PTPRQ: variants seen among roughly 807,000 people sequenced by gnomAD.
PTPRQ encodes phosphatidylinositol phosphatase PTPRQ.
PTPRQ carries 199 observed loss-of-function variants against 246.0 expected under a neutral mutation model. The ratio of observed to expected loss-of-function variants is 0.81; its 90% CI spans 0.72 to 0.91. PTPRQ has a LOEUF of 0.91. PTPRQ is among the 40% of genes least tolerant of loss of function. PTPRQ has a pLI of 0.00. For synonymous variants in PTPRQ, 869 were observed against 853.2 expected (o/e 1.02, Z -0.32); for missense variants, 2,624 against 2,528.4 (o/e 1.04, Z -0.81).
chr12:80,565,692 T>C (rs1441846994), intron 25 of PTPRQ, among the ~76,000 whole-genome samples: 2 of 152,212 alleles, frequency 1.3e-5, no homozygotes, highest in East Asian at 1.9e-4. Flanking sequence ...AATACATGAA[T>C]TTTAATAATA....
intron 3 of PTPRQ, among the ~76,000 whole-genome samples, chr12:80,447,609 C>T (rs945835326): frequency 5.9e-5 from 9 of 151,782 alleles, no homozygotes; most frequent in African/African-American, 2.2e-4. Flanking sequence ...GTTTCATTCT[C>T]TTGGATATGG....
In PTPRQ at chr12:80,445,632, C is replaced by G; in HGVS notation, c.305C>G (p.Thr102Arg). ...AAGGAAGTTTGTCCGTGGATGCAAA[C>G]AGTATATACACAAGTCAGATCAAAG... ...KYKEVCPWMQ[T>R]VYTQVRSKPD... The change falls in exon 3 of 45, where the codon ACA becomes AGA. Residue 102 changes from threonine (T) to arginine (R), a missense_variant. By Grantham distance (71) the Thr-to-Arg change is moderately conservative. Transcript: ENST00000644991. The G allele has an allele frequency of 6.5e-7, 1 of 1,550,006 alleles. No homozygotes were observed. Among genetic ancestry groups the G allele is most frequent in the Non-Finnish European group, 8.7e-7 (1 of 1,145,772 alleles).
At chr12:80,590,958 G>A (rs1897779394) in intron 26 of PTPRQ, among the ~76,000 whole-genome samples, 1 of 151,886 alleles carries the variant, frequency 6.6e-6, no homozygotes, top group Admixed American at 6.6e-5. Context: ...TTATAACGTA[G>A]ATCTTTACTT....
In PTPRQ at chr12:80,504,357, A is replaced by G. The variant is rs374894174; in HGVS notation, c.2273-1667A>G. Among the ~76,000 whole-genome samples the G allele has an allele frequency of 5.9e-5, 9 of 151,628 alleles. No homozygotes were observed. In the East Asian group the frequency reaches 9.7e-4, roughly 16 times the overall value. The stretch of plus-strand genomic sequence containing the variant: ...AGAAGGTCTATCTTGTTCTCTTTCA[A>G]ACTTGCTTGGTTATTTAATATTATT... On this transcript the variant is annotated intron_variant, in intron 14 of 44. Coordinates refer to ENST00000644991, the MANE Select transcript of PTPRQ (RefSeq NM_001145026.2).
At chr12:80,610,998 C>T (rs1898529599) in intron 28 of PTPRQ, among the ~76,000 whole-genome samples, 1 of 150,202 alleles carries the variant, frequency 6.7e-6, no homozygotes, top group Non-Finnish European at 1.5e-5. Context: ...TATTTCTGTC[C>T]CATTATTTGA....
At chr12:80,649,093 T>TTC (rs1279407066) in intron 36 of PTPRQ, among the ~76,000 whole-genome samples, 170 bp downstream of exon 36, 1 of 152,062 alleles carries the variant, frequency 6.6e-6, no homozygotes, top group Non-Finnish European at 1.5e-5. Flanking sequence ...GAGAAATGCT[T>TTC]TCTCTCTCTC....
chr12:80,535,667 A>G (rs1895965170), intron 19 of PTPRQ, among the ~76,000 whole-genome samples: 1 of 152,214 alleles, frequency 6.6e-6, no homozygotes, highest in Non-Finnish European at 1.5e-5. Context: ...AAAATAGCTA[A>G]CATGCATTTA....
At chr12:80,670,670 C>T (rs1204128885) in intron 42 of PTPRQ, among the ~76,000 whole-genome samples, 178 bp downstream of exon 42, 1 of 152,084 alleles carries the variant, frequency 6.6e-6, no homozygotes, top group Non-Finnish European at 1.5e-5. Flanking sequence ...CATGATAGAT[C>T]TAAACCAGTC....
chr12:80,480,286 T>C (rs537278960), intron 8 of PTPRQ, among the ~76,000 whole-genome samples: 2 of 152,062 alleles, frequency 1.3e-5, no homozygotes, highest in East Asian at 1.9e-4. Context: ...GGGTACATAA[T>C]GAAATGAAGG....
chr12:80,469,530 C>T (rs1326755063), intron 7 of PTPRQ, among the ~76,000 whole-genome samples: 1 of 152,056 alleles, frequency 6.6e-6, no homozygotes, highest in Non-Finnish European at 1.5e-5. Flanking sequence ...AAGTTTAATT[C>T]TAACAATGAT....
chr12:80,600,417 A>G (rs1297950800), intron 26 of PTPRQ, among the ~76,000 whole-genome samples: 1 of 151,832 alleles, frequency 6.6e-6, no homozygotes, highest in Non-Finnish European at 1.5e-5. Context: ...CTCACAAGCC[A>G]GAGTTTTCCT....
rs1316682810 is a variant in PTPRQ, at chr12:80,610,516, A to C, written c.4809A>C (p.Glu1603Asp). The C allele has an allele frequency of 6.5e-7, 1 of 1,535,380 alleles. No homozygotes were observed. Among genetic ancestry groups the C allele is most frequent in the Non-Finnish European group, 8.8e-7 (1 of 1,137,858 alleles). Residue 1603 changes from glutamate to aspartate, a missense_variant, in exon 28 of 45, where the codon GAA (glutamate) becomes GAC (aspartate). Coordinates refer to ENST00000644991, the MANE Select transcript of PTPRQ (RefSeq NM_001145026.2). The stretch of plus-strand genomic sequence containing the variant: ...AAACCATAGAAATTAAAGATTTAGA[A>C]ATATTCACAAGGTATTCTGTAGTGA... ...ENKTIEIKDL[E>D]IFTRYSVVIT...
intron 26 of PTPRQ, among the ~76,000 whole-genome samples, chr12:80,595,940 T>C (rs1897956760): frequency 6.6e-6 from 1 of 152,102 alleles, no homozygotes; most frequent in Non-Finnish European, 1.5e-5. Context: ...ATATGAATTA[T>C]TGCATATAGA....
chr12:80,642,776 C>T (rs1417758695), intron 35 of PTPRQ, among the ~76,000 whole-genome samples: 1 of 150,440 alleles, frequency 6.6e-6, no homozygotes, highest in Non-Finnish European at 1.5e-5. Flanking sequence ...AAAAATTAGC[C>T]GGGCGTAGTG....
intron 17 of PTPRQ, among the ~76,000 whole-genome samples, chr12:80,516,179 G>T (rs915717301): frequency 6.6e-6 from 1 of 152,144 alleles, no homozygotes; most frequent in Non-Finnish European, 1.5e-5. Context: ...TGTTCCAGTA[G>T]AACTTATTTA....
At chr12:80,518,534 G>A (rs887594232) in intron 17 of PTPRQ, among the ~76,000 whole-genome samples, 23 of 152,028 alleles carry the variant, frequency 1.5e-4, no homozygotes, top group Non-Finnish European at 1.9e-4. Context: ...TATGCTTGTG[G>A]GGTATTACTC....
In PTPRQ at chr12:80,479,180, G is replaced by A. The variant is rs898911784; in HGVS notation, c.1187-5253G>A. Among the ~76,000 whole-genome samples the A allele has an allele frequency of 3.6e-4, 54 of 151,158 alleles. No individual in the cohort carries two copies. The East Asian group carries it at 6.2e-3, about 17-fold the overall frequency. On this transcript the variant is annotated intron_variant, in intron 8 of 44. Coordinates refer to ENST00000644991, the MANE Select transcript of PTPRQ (RefSeq NM_001145026.2). ...CCATCAGACTAACAGCAGATCTCTC[G>A]GCAGAAACCCTACAAGCCAGAAGAG...
intron 26 of PTPRQ, among the ~76,000 whole-genome samples, chr12:80,588,893 GA>G (rs1173131541): frequency 6.6e-6 from 1 of 152,110 alleles, no homozygotes; most frequent in Non-Finnish European, 1.5e-5. Context: ...AACCCTGATT[GA>G]TCTGTCTGCA....
chr12:80,553,036 C>T (rs562573304), intron 25 of PTPRQ, among the ~76,000 whole-genome samples: 23 of 152,124 alleles, frequency 1.5e-4, no homozygotes, highest in Admixed American at 6.6e-4. Flanking sequence ...TCTTTATTTA[C>T]TCACAGTTCT....
Sources: allele counts gnomAD v4.1 joint callset (sites outside exome capture counted in the v4.1 genomes callset), GRCh38; gene constraint gnomAD v4.1.1; transcripts MANE v1.5; gene names NCBI Gene and HGNC (gene_info 2026-07-23, HGNC 2026-07-21).